Variants in BICC1 observed in about 807,000 individuals in gnomAD.
BICC1 encodes the protein BicC family RNA binding protein 1.
In BICC1, 43 loss-of-function variants were observed where a neutral mutation model predicts 111.0. The observed-to-expected ratio is 0.39, with a 90% CI of 0.30 to 0.50. The LOEUF (loss-of-function observed/expected upper bound fraction) is 0.50. Ranked by LOEUF, BICC1 falls within the 20% of genes least tolerant of loss-of-function variation. BICC1 has a pLI of 0.88. For synonymous variants in BICC1, 467 were observed against 434.4 expected, an observed-to-expected ratio of 1.07 and a Z score of -0.93; for missense variants, 1,091 against 1,203.2, an observed-to-expected ratio of 0.91 and a Z score of 1.38.
At chr10:58,556,302 A>C (rs912457107) in intron 1 of BICC1, among the ~76,000 whole-genome samples, 2 of 152,292 alleles carry the variant, frequency 1.3e-5, no homozygotes, top group Admixed American at 1.3e-4. Context: ...TAAAATAAAC[A>C]TAATAGGTCA....
Position 58,579,628 on chromosome 10 carries a change from C to T in BICC1, c.191-41227C>T, listed in dbSNP as rs189526488. 3.6e-3 allele frequency among the ~76,000 whole-genome samples: 545 copies of T among 152,306 alleles called. 2 individuals are homozygous for T. Among genetic ancestry groups the T allele is most frequent in the Non-Finnish European group, 5.9e-3 (401 of 68,036 alleles). Reference sequence around the variant, plus strand: ...CAAATCACTGCTGGCTTGTAACTACCAGGTGGGAAGTGTTCATCCCTAATT... The same window carrying T: ...CAAATCACTGCTGGCTTGTAACTACTAGGTGGGAAGTGTTCATCCCTAATT... On this transcript the variant is annotated intron_variant, in intron 1 of 20. Transcript: ENST00000373886.
chr10:58,587,438 T>C (rs775867189), intron 1 of BICC1, among the ~76,000 whole-genome samples: 5 of 152,214 alleles, frequency 3.3e-5, no homozygotes, highest in Non-Finnish European at 7.3e-5. Flanking sequence ...TTCAAGTCAG[T>C]ACATACACTT....
At chr10:58,766,156 T>C (rs1189616209) in intron 3 of BICC1, among the ~76,000 whole-genome samples, 1 of 152,204 alleles carries the variant, frequency 6.6e-6, no homozygotes, top group Non-Finnish European at 1.5e-5. Flanking sequence ...TCTCCAGTTA[T>C]ATTGCTGCTT....
At chr10:58,814,903 T>G (rs541803302) in intron 18 of BICC1, among the ~76,000 whole-genome samples, 2 of 152,288 alleles carry the variant, frequency 1.3e-5, no homozygotes, top group Admixed American at 1.3e-4. Flanking sequence ...GGTTTGATTT[T>G]GTAAATAGAC....
chr10:58,651,649 G>A (rs1838452479), intron 2 of BICC1, among the ~76,000 whole-genome samples: 1 of 151,730 alleles, frequency 6.6e-6, no homozygotes, highest in African/African-American at 2.4e-5. Context: ...TGTTTCTTTT[G>A]TGCTTTTTTA....
rs1161623132 is a variant in BICC1 at position 58,655,269 on chromosome 10, T to A, written c.237+34368T>A. On this transcript the variant is annotated intron_variant, in intron 2 of 20. Transcript: ENST00000373886. ...ATGGCATTGAATCTGTAAATTACCT[T>A]GGGCAGTTTGGCCATTTTCACGATA... 2.1e-5 allele frequency among the ~76,000 whole-genome samples: 3 copies of A among 140,788 alleles called. No homozygotes were observed. The Admixed American group carries it at 2.2e-4, about 10-fold the overall frequency. The allele number at this position is 140,788 out of a possible 152,430, so 92.4% of individuals were successfully genotyped here. A position where few individuals can be genotyped will look rare whatever the true frequency, so the allele number is the denominator to read the frequency against.
chr10:58,669,569 G>C (rs1170722254), intron 2 of BICC1, among the ~76,000 whole-genome samples: 1 of 151,992 alleles, frequency 6.6e-6, no homozygotes, highest in African/African-American at 2.4e-5. Context: ...TTTGATAGTG[G>C]AAATTAAGGC....
chr10:58,823,685 T>TTC lies in BICC1; in HGVS notation c.2794+3217_2794+3218insTC, dbSNP rs10681675. Reference sequence around the variant, plus strand: ...GTTGTTTGGCCTCATTCCTTTTTTTTCTTTGCTGTAAAGTGGGAATGTCTT... The same window carrying TTC: ...GTTGTTTGGCCTCATTCCTTTTTTTTTCCTTTGCTGTAAAGTGGGAATGTCTT... On this transcript the variant is annotated intron_variant, in intron 20 of 20. Transcript: ENST00000373886. 10,122 of 985,354 alleles carry TTC rather than the reference T, an allele frequency of 0.01. 352 individuals carry two copies. In the African/African-American group the frequency reaches 0.11, roughly 10 times the overall value. The allele number at this position is 985,354 out of a possible 1,614,324, so 61.0% of individuals were successfully genotyped here.
chr10:58,566,148 A>ATGTGTGTG (rs35056463), intron 1 of BICC1, among the ~76,000 whole-genome samples: 1 of 150,816 alleles, frequency 6.6e-6, no homozygotes, highest in Non-Finnish European at 1.5e-5. Flanking sequence ...TAATTCAATG[A>ATGTGTGTG]TGTGTGTGTG....
intron 1 of BICC1, among the ~76,000 whole-genome samples, chr10:58,616,528 C>A (rs1321155760): frequency 1.3e-5 from 2 of 152,138 alleles, no homozygotes; most frequent in Non-Finnish European, 2.9e-5. Flanking sequence ...AGGGAACTGG[C>A]TGAGGTTCGA....
intron 1 of BICC1, among the ~76,000 whole-genome samples, chr10:58,615,244 A>G (rs1213061699): frequency 6.6e-6 from 1 of 152,236 alleles, no homozygotes; most frequent in African/African-American, 2.4e-5. Context: ...AAGTTACAGA[A>G]TGAAAATCAT....
intron 3 of BICC1, among the ~76,000 whole-genome samples, chr10:58,714,428 G>A (rs1840672324): frequency 6.6e-6 from 1 of 152,228 alleles, no homozygotes; most frequent in African/African-American, 2.4e-5. Context: ...TTTGCAGTCA[G>A]TGTTGAATTT....
At chr10:58,683,380 C>A (rs1839602203) in intron 2 of BICC1, among the ~76,000 whole-genome samples, 1 of 152,080 alleles carries the variant, frequency 6.6e-6, no homozygotes, top group African/African-American at 2.4e-5. Flanking sequence ...TTTTTTGGAT[C>A]CATATGAACT....
intron 13 of BICC1, 142 bp downstream of exon 13, chr10:58,800,468 TC>T: frequency 1.3e-6 from 1 of 780,908 alleles, no homozygotes; most frequent in Non-Finnish European, 1.9e-6. Context: ...AAAGACAACA[TC>T]CTGAATAAAA....
Position 58,789,310 on chromosome 10 carries a change from C to A in BICC1, c.649C>A (p.Leu217Ile). ...LMFELPIAGILQPVPDPNSPS... is the reference protein window; with the variant it reads ...LMFELPIAGIIQPVPDPNSPS... ...GTTTGAGCTACCAATTGCTGGAATT[C>A]TTCAACCGGTTCCTGATCCTAATTC... is the stretch of plus-strand genomic sequence containing the variant. The change falls in exon 7 of 21, where the codon CTT (leucine) becomes ATT (isoleucine). Residue 217 changes from leucine (L) to isoleucine (I), a missense_variant. By Grantham distance (5) the Leu-to-Ile change is conservative (BLOSUM62 2). Transcript: ENST00000373886. 6.2e-7 allele frequency: 1 copy of A among 1,613,992 alleles called. No individual in the cohort carries two copies. The highest frequency in any genetic ancestry group is 8.5e-7 in the Non-Finnish European group (1 of 1,179,942).
At chr10:58,535,389 T>G (rs1842799331) in intron 1 of BICC1, among the ~76,000 whole-genome samples, 1 of 110,640 alleles carries the variant, frequency 9.0e-6, no homozygotes, top group East Asian at 2.8e-4. Context: ...AGCAGACTTC[T>G]CAGCAGAACA....
intron 15 of BICC1, 33 bp from the exon 16 acceptor site, chr10:58,806,551 T>C: frequency 6.2e-7 from 1 of 1,601,364 alleles, no homozygotes; most frequent in East Asian, 2.2e-5. Context: ...TTGGAGAGAC[T>C]GTCAATAAAG....
rs139478772 is a variant in BICC1, at chr10:58,514,711, G to A, written c.190+1378G>A. ...TTTCTCAAATTATGTAACTTTTGAG[G>A]ACAGTTACTTCTGTGATAAACTCTT... On this transcript the variant is annotated intron_variant, in intron 1 of 20. Coordinates refer to ENST00000373886, the MANE Select transcript of BICC1 (RefSeq NM_001080512.3). Among the ~76,000 whole-genome samples, 8 of 152,098 alleles carry A rather than the reference G, an allele frequency of 5.3e-5. No individual in the cohort carries two copies. In the East Asian group the frequency reaches 1.5e-3, roughly 29 times the overall value.
chr10:58,773,636 G>T (rs1842676022), intron 3 of BICC1, among the ~76,000 whole-genome samples: 1 of 152,196 alleles, frequency 6.6e-6, no homozygotes, highest in African/African-American at 2.4e-5. Flanking sequence ...ACTGCCAGGG[G>T]TGCTGGTCCA....
Sources: allele counts gnomAD v4.1 joint callset (sites outside exome capture counted in the v4.1 genomes callset), GRCh38; gene constraint gnomAD v4.1.1; transcripts MANE v1.5; gene names NCBI Gene and HGNC (gene_info 2026-07-23, HGNC 2026-07-21).